CREBBP: variants seen among roughly 807,000 people sequenced by gnomAD.
The protein encoded by CREBBP is CREB binding lysine acetyltransferase.
CREBBP carries 19 observed loss-of-function variants against 265.0 expected under a neutral mutation model. The ratio of observed to expected loss-of-function variants is 0.07; its 90% confidence interval spans 0.05 to 0.11. CREBBP has a LOEUF of 0.11. CREBBP is among the 10% of genes least tolerant of loss of function. CREBBP has a pLI of 1.00. For missense variants in CREBBP, 2,525 were observed against 3,219.0 expected, an observed-to-expected ratio of 0.78 and a Z score of 5.22; for synonymous variants, 1,457 against 1,223.7, an observed-to-expected ratio of 1.19 and a Z score of -3.98.
intron 13 of CREBBP, among the ~76,000 whole-genome samples, chr16:3,771,863 T>G (rs2053019554): frequency 6.7e-6 from 1 of 149,086 alleles, no homozygotes. Context: ...CAGTCTGGAG[T>G]GCAATGGCAT....
intron 2 of CREBBP, among the ~76,000 whole-genome samples, chr16:3,833,786 T>C (rs1160795982): frequency 1.3e-5 from 2 of 152,134 alleles, no homozygotes; most frequent in African/African-American, 2.4e-5. Flanking sequence ...ATTGATAAAA[T>C]TGACTTCATT....
chr16:3,793,714 C>T, intron 3 of CREBBP, 88 bp from the exon 4 acceptor site: 1 of 1,471,226 alleles, frequency 6.8e-7, no homozygotes. Context: ...AAAGCAAAAG[C>T]TGATGGATAA....
At position 3,850,787 on chromosome 16, in the gene CREBBP, G is replaced by T; in HGVS notation, c.308C>A (p.Ala103Asp). 6.2e-7 allele frequency: 1 copy of T among 1,614,120 alleles called. No individual in the cohort carries two copies. The highest frequency in any genetic ancestry group is 8.5e-7 in the Non-Finnish European group (1 of 1,180,036). The change falls in exon 2 of 31, where the codon GCT (alanine) becomes GAT (aspartate). Residue 103 changes from alanine to aspartate, a missense_variant. Transcript: ENST00000262367. ...SPVQQGLGGQ[A>D]QGQPNSANMA... ...GTTAGCACTGTTCGGCTGCCCTTGAGCCTGGCCACCCAGGCCCTGCTGCAC... is the reference window on the plus strand; with the variant it reads ...GTTAGCACTGTTCGGCTGCCCTTGATCCTGGCCACCCAGGCCCTGCTGCAC...
intron 20 of CREBBP, among the ~76,000 whole-genome samples, chr16:3,750,191 TG>T: frequency 6.6e-6 from 1 of 152,260 alleles, no homozygotes; most frequent in South Asian, 2.1e-4. Context: ...TTTGTAGAGA[TG>T]GGGTCTCACT....
intron 16 of CREBBP, among the ~76,000 whole-genome samples, chr16:3,761,012 T>C (rs2052704730): frequency 6.6e-6 from 1 of 152,126 alleles, no homozygotes; most frequent in Non-Finnish European, 1.5e-5. Flanking sequence ...TGGAGTGCAA[T>C]GGCGTGATCT....
intron 24 of CREBBP, 78 bp downstream of exon 24, chr16:3,740,321 G>C (rs544775287): frequency 6.4e-7 from 1 of 1,566,656 alleles, no homozygotes; most frequent in Admixed American, 1.7e-5. Flanking sequence ...TCAAACTCAA[G>C]AGCTTTGCAG....
intron 10 of CREBBP, 90 bp downstream of exon 10, chr16:3,777,921 C>T: frequency 1.4e-6 from 2 of 1,467,846 alleles, no homozygotes; most frequent in Non-Finnish European, 9.5e-7. Context: ...ATCAGATATT[C>T]TAATTCTCTG....
intron 2 of CREBBP, among the ~76,000 whole-genome samples, chr16:3,832,645 T>C (rs1246222330): frequency 1.3e-5 from 2 of 152,332 alleles, no homozygotes; most frequent in Non-Finnish European, 1.5e-5. Context: ...AGTATTTGTG[T>C]ATCTAAACAT....
At chr16:3,773,679 G>GA (rs753758359) in intron 13 of CREBBP, 72 bp downstream of exon 13, 59,619 of 1,080,638 alleles carry the variant, frequency 0.055, no homozygotes, top group Non-Finnish European at 0.061. Flanking sequence ...AAGGAAGACA[G>GA]AAAAAAAAAA....
At chr16:3,855,595 G>T (rs2054944575) in intron 1 of CREBBP, among the ~76,000 whole-genome samples, 1 of 152,178 alleles carries the variant, frequency 6.6e-6, no homozygotes, top group Non-Finnish European at 1.5e-5. Context: ...ATAGAGGCCA[G>T]TTGTTATTGT....
At chr16:3,777,314 G>A (rs1012364060) in intron 11 of CREBBP, among the ~76,000 whole-genome samples, 10 of 151,752 alleles carry the variant, frequency 6.6e-5, no homozygotes, top group African/African-American at 7.3e-5. Flanking sequence ...CAGCCTGGGC[G>A]ACAGAGCGAG....
chr16:3,768,143 T>TTTTTTG (rs2052907617), intron 15 of CREBBP, among the ~76,000 whole-genome samples: 1 of 99,060 alleles, frequency 1.0e-5, no homozygotes, highest in African/African-American at 5.5e-5. Flanking sequence ...AGTGTTTTTT[T>TTTTTTG]TTTTTTTTTT....
chr16:3,754,400 A>G (rs2052542738), intron 19 of CREBBP, among the ~76,000 whole-genome samples: 1 of 152,200 alleles, frequency 6.6e-6, no homozygotes, highest in African/African-American at 2.4e-5. Flanking sequence ...GGAAACACAT[A>G]AAGATTTAGA....
At chr16:3,851,841 A>G (rs1469914165) in intron 1 of CREBBP, among the ~76,000 whole-genome samples, 1 of 124,806 alleles carries the variant, frequency 8.0e-6, no homozygotes, top group Non-Finnish European at 1.6e-5. Context: ...GACCTGGGCG[A>G]CAGAGCGAGA....
intron 2 of CREBBP, among the ~76,000 whole-genome samples, chr16:3,848,910 A>G (rs111833578): frequency 6.6e-6 from 1 of 152,190 alleles, no homozygotes; most frequent in African/African-American, 2.4e-5. Context: ...CAATTTAAAC[A>G]TTGAGCATTA....
In CREBBP at chr16:3,758,064, A is replaced by T. The variant is rs1188895814; in HGVS notation, c.3370-16T>A. The stretch of plus-strand genomic sequence containing the variant: ...CAAAATAGTCCTTAAAAAAAAAAAA[A>T]TGGTCTCAGTATAGGGAATCCCCCA... On this transcript the variant is annotated splice_polypyrimidine_tract_variant and intron_variant, in intron 17 of 30. Coordinates refer to ENST00000262367, the MANE Select transcript of CREBBP (RefSeq NM_004380.3). 2 of 1,603,668 alleles carry T rather than the reference A, an allele frequency of 1.2e-6. No homozygotes were observed. Among genetic ancestry groups the T allele is most frequent in the African/African-American group, 1.4e-5 (1 of 72,020 alleles).
chr16:3,799,051 T>C (rs2053661753), intron 3 of CREBBP, among the ~76,000 whole-genome samples: 1 of 152,282 alleles, frequency 6.6e-6, no homozygotes. Context: ...AAAACATGCT[T>C]CGTAAAAGAA....
rs759845532 is a variant in CREBBP, at chr16:3,728,270, G to C, written c.6777C>G (p.Ser2259Arg). 3.7e-6 allele frequency: 6 copies of C among 1,612,372 alleles called. No individual in the cohort carries two copies. Among genetic ancestry groups the C allele is most frequent in the Non-Finnish European group, 5.1e-6 (6 of 1,179,630 alleles). The change falls in exon 31 of 31, where the codon AGC (serine) becomes AGG (arginine). Residue 2259 changes from serine to arginine, a missense_variant. By Grantham distance (110) the Ser-to-Arg change is moderately radical. Around this residue, in one of 19 missense-constraint regions of CREBBP, gnomAD observed 473 missense variants for 459.3 expected, o/e 1.03. Coordinates refer to ENST00000262367, the MANE Select transcript of CREBBP (RefSeq NM_004380.3). The surrounding 1 kb of genome is among the most constrained non-coding windows in gnomAD (Gnocchi z 8.7). ...TCTGAGCCGCCATCTGGCCCATGGA[G>C]CTGCCCTGGAGGGGGAGATGCTGCT... ...RMQQHLPLQG[S>R]SMGQMAAQMG...
rs994378525 is a variant in CREBBP at position 3,801,395 on chromosome 16, T to G, written c.976-7769A>C. On this transcript the variant is annotated intron_variant, in intron 3 of 30. Transcript: ENST00000262367. ...CTATTAAAGGACAGGGTGGGCTGGG[T>G]GCAGCAGCTCACACCTGTAATCCAG... 7.2e-5 allele frequency among the ~76,000 whole-genome samples: 11 copies of G among 152,142 alleles called. 1 individual carries two copies. Among genetic ancestry groups the G allele is most frequent in the African/African-American group, 2.7e-4 (11 of 41,430 alleles).
Sources: gnomAD v4.1 joint callset for allele counts (sites outside exome capture counted in the v4.1 genomes callset) on GRCh38, gnomAD v4.1.1 for gene constraint, gnomAD v4.1.1 regional missense constraint, Gnocchi (gnomAD v3.1) non-coding constraint, MANE v1.5 for transcripts, NCBI Gene and HGNC (gene_info 2026-07-23, HGNC 2026-07-21) for gene names.